CELF2: variants seen among roughly 807,000 people sequenced by gnomAD.
CELF2 encodes CUGBP Elav-like family member 2.
A neutral mutation model predicts 62.6 loss-of-function variants in CELF2; 8 were observed. That is an observed-to-expected ratio of 0.13 (90% CI 0.07 to 0.23). The LOEUF (loss-of-function observed/expected upper bound fraction) is 0.23, where lower values mean the gene tolerates loss of function less well. Ranked by LOEUF, CELF2 falls within the 10% of genes least tolerant of loss-of-function variation. CELF2 has a pLI of 1.00. For missense variants in CELF2, 333 were observed against 671.0 expected (o/e 0.50, Z 5.56); for synonymous variants, 258 against 250.0 (o/e 1.03, Z -0.30).
At chr10:11,284,974 T>A (rs1299343595) in intron 8 of CELF2, among the ~76,000 whole-genome samples, 4 of 44,938 alleles carry the variant, frequency 8.9e-5, no homozygotes, top group Non-Finnish European at 1.5e-4. Context: ...GATGGATGAG[T>A]GTGTGGATGA....
intron 9 of CELF2, among the ~76,000 whole-genome samples, chr10:11,303,131 G>C (rs1028235698): frequency 4.6e-5 from 7 of 152,154 alleles, no homozygotes; most frequent in Admixed American, 4.6e-4. Context: ...ACTAAAATCT[G>C]CCTCTGAACA....
intron 1 of CELF2, among the ~76,000 whole-genome samples, chr10:10,839,775 G>A (rs1471106786): frequency 1.3e-5 from 2 of 152,260 alleles, no homozygotes; most frequent in East Asian, 1.9e-4. Context: ...AAGGCTCTAA[G>A]GGTTTGAACG....
intron 10 of CELF2, chr10:11,317,266 C>A (rs1200938606): frequency 1.3e-5 from 2 of 151,878 alleles, no homozygotes; most frequent in Non-Finnish European, 2.9e-5. Flanking sequence ...ATGCTCCAGG[C>A]ATATTTTCGT....
intron 1 of CELF2, among the ~76,000 whole-genome samples, chr10:10,820,826 C>T (rs897997598): frequency 6.6e-6 from 1 of 152,208 alleles, no homozygotes; most frequent in Non-Finnish European, 1.5e-5. Context: ...AAACCATTTA[C>T]ACCTTCAAAC....
intron 1 of CELF2, among the ~76,000 whole-genome samples, chr10:10,824,735 G>T (rs2057246725): frequency 6.6e-6 from 1 of 152,214 alleles, no homozygotes; most frequent in African/African-American, 2.4e-5. Context: ...GCAGCCAGAG[G>T]TCAGCTCAGA....
chr10:10,846,264 C>T (rs1220283356), intron 1 of CELF2: 2 of 234,370 alleles, frequency 8.5e-6, no homozygotes, highest in African/African-American at 2.3e-5. Flanking sequence ...TTTTTCCAAG[C>T]TCCTTCTTGC....
chr10:11,088,616 C>T (rs1381253682), intron 1 of CELF2, among the ~76,000 whole-genome samples: 1 of 152,186 alleles, frequency 6.6e-6, no homozygotes, highest in Non-Finnish European at 1.5e-5. Flanking sequence ...TGTGCAGAAA[C>T]ACATGTCTTA....
In CELF2 at chr10:11,285,208, T is replaced by G. The variant is rs1045190101; in HGVS notation, c.842-3210T>G. Among the ~76,000 whole-genome samples, 1 of 152,020 alleles carries G rather than the reference T, an allele frequency of 6.6e-6. No individual in the cohort carries two copies. The highest frequency in any genetic ancestry group is 2.4e-5 in the African/African-American group (1 of 41,340). The stretch of plus-strand genomic sequence containing the variant: ...ATCCGCCTCCTTGATTGGTTCTGAC[T>G]AACTCTTCTTCTCTCCTTTTGTCCT... On this transcript the variant is annotated intron_variant, in intron 8 of 12. Transcript: ENST00000633077. The surrounding 1 kb of genome is among the most constrained non-coding windows in gnomAD (Gnocchi z 4.3).
At chr10:10,636,156 C>T in the CELF2 span, among the ~76,000 whole-genome samples, 1 of 152,116 alleles carries the variant, frequency 6.6e-6, no homozygotes, top group Non-Finnish European at 1.5e-5. Flanking sequence ...CCCTTCTGAT[C>T]AATAATATAT....
At chr10:10,659,512 G>A in the CELF2 span, among the ~76,000 whole-genome samples, 108 of 152,036 alleles carry the variant, frequency 7.1e-4, 1 homozygote, top group Non-Finnish European at 3.8e-4. Context: ...GCTTCAAATC[G>A]CTCCTCTTAT....
chr10:10,916,552 A>G (rs981141785), intron 1 of CELF2, among the ~76,000 whole-genome samples: 2 of 151,850 alleles, frequency 1.3e-5, no homozygotes, highest in African/African-American at 4.9e-5. Context: ...TTCACTGAAT[A>G]AAGTTCTGCA....
intron 2 of CELF2, among the ~76,000 whole-genome samples, chr10:10,959,169 T>C (rs752486565): frequency 1.3e-5 from 2 of 152,178 alleles, no homozygotes; most frequent in Non-Finnish European, 2.9e-5. Flanking sequence ...TAGTCTTAGC[T>C]ACTCAGGAGG....
At chr10:10,643,911 C>G in the CELF2 span, among the ~76,000 whole-genome samples, 1 of 152,232 alleles carries the variant, frequency 6.6e-6, no homozygotes, top group Admixed American at 6.5e-5. Flanking sequence ...AAATCGTAAC[C>G]CATTAAATTA....
At chr10:11,086,240 A>T (rs1177660208) in intron 1 of CELF2, among the ~76,000 whole-genome samples, 1 of 152,088 alleles carries the variant, frequency 6.6e-6, no homozygotes, top group Non-Finnish European at 1.5e-5. Context: ...GAGAGAGCGG[A>T]ATCTCCCCAG....
chr10:11,322,811 T>C (rs2095513011), intron 11 of CELF2, among the ~76,000 whole-genome samples: 1 of 152,138 alleles, frequency 6.6e-6, no homozygotes, highest in Non-Finnish European at 1.5e-5. Flanking sequence ...AGACAACTGG[T>C]TCCCCAGGCT....
At chr10:10,601,942 A>G in the CELF2 span, among the ~76,000 whole-genome samples, 1 of 150,088 alleles carries the variant, frequency 6.7e-6, no homozygotes, top group African/African-American at 2.5e-5. Context: ...CCCTGTGTCC[A>G]TGTGTTCTCA....
chr10:10,558,662 T>G, the CELF2 span, among the ~76,000 whole-genome samples: 3 of 152,126 alleles, frequency 2.0e-5, no homozygotes, highest in Admixed American at 2.0e-4. Flanking sequence ...ATCCATCTGG[T>G]CCTGGACTCT....
In CELF2 at chr10:11,192,632, A is replaced by G. The variant is rs537846699; in HGVS notation, c.272-24793A>G. On this transcript the variant is annotated intron_variant, in intron 2 of 12. Coordinates refer to ENST00000633077, the MANE Select transcript of CELF2 (RefSeq NM_001326342.2). ...TTGCTATTTTGGAAAGCAGTGAGGG[A>G]CGTGGAGATCCGATCTGGACAGTAT... 2.3e-4 allele frequency among the ~76,000 whole-genome samples: 35 copies of G among 152,326 alleles called. No homozygotes were observed. In the South Asian group the frequency reaches 7.0e-3, roughly 31 times the overall value.
chr10:11,096,526 A>C (rs1290690176), intron 1 of CELF2: 1 of 152,226 alleles, frequency 6.6e-6, no homozygotes, highest in African/African-American at 2.4e-5. Flanking sequence ...ATGGAAAATA[A>C]AAGCAGTTAA....
Sources: allele counts gnomAD v4.1 joint callset (sites outside exome capture counted in the v4.1 genomes callset), GRCh38; gene constraint gnomAD v4.1.1; non-coding constraint Gnocchi (gnomAD v3.1); transcripts MANE v1.5; gene names NCBI Gene and HGNC (gene_info 2026-07-23, HGNC 2026-07-21).